ZFP82: variants seen among roughly 807,000 people sequenced by gnomAD.
ZFP82 encodes ZFP82 zinc finger protein, also known as zinc finger protein 82 homolog.
In ZFP82, 30 loss-of-function variants were observed where a neutral mutation model predicts 54.0. The ratio of observed to expected loss-of-function variants is 0.56; its 90% CI spans 0.42 to 0.75. The LOEUF (loss-of-function observed/expected upper bound fraction) is 0.75, where lower values mean the gene tolerates loss of function less well. Ranked by LOEUF, ZFP82 falls within the 30% of genes least tolerant of loss-of-function variation. The probability of loss-of-function intolerance (pLI) is 0.00; values close to 1 mark genes in which losing one functional copy is unlikely to be tolerated. For synonymous variants in ZFP82, 194 were observed against 209.5 expected (o/e 0.93, Z 0.64); for missense variants, 500 against 636.8 (o/e 0.79, Z 2.31).
chr19:36,387,985 T>C (rs1206410758), downstream of ZFP82, among the ~76,000 whole-genome samples: 1 of 152,246 alleles, frequency 6.6e-6, no homozygotes, highest in Non-Finnish European at 1.5e-5. Flanking sequence ...TTCCTATTTT[T>C]ATATGTATTG....
rs765045185 is a variant in ZFP82 at position 36,392,851 on chromosome 19, G to T, written c.1489C>A (p.Leu497Met). ...GGTTTCTCACCAGAATGAATTCTCA[G>T]ATGTTGAATAAGGGATGAATTAAGT... is the stretch of plus-strand genomic sequence containing the variant. The part of the protein sequence containing the change: ...FRLNSSLIQH[L>M]RIHSGEKPYE... Residue 497 changes from leucine (L) to methionine (M), a missense_variant, in exon 5 of 5, where the codon CTG becomes ATG. Coordinates refer to ENST00000392161, the MANE Select transcript of ZFP82 (RefSeq NM_133466.4). 1.9e-6 allele frequency: 3 copies of T among 1,613,868 alleles called. No homozygotes were observed. The South Asian group carries it at 3.3e-5, about 18-fold the overall frequency.
At chr19:36,410,240 A>G (rs2032554658) in intron 1 of ZFP82, among the ~76,000 whole-genome samples, 1 of 152,160 alleles carries the variant, frequency 6.6e-6, no homozygotes, top group South Asian at 2.1e-4. Context: ...ACAACTTTCA[A>G]AATCCTCTGG....
intron 3 of ZFP82, among the ~76,000 whole-genome samples, chr19:36,406,992 A>C (rs1397656164): frequency 6.6e-6 from 1 of 152,168 alleles, no homozygotes; most frequent in Non-Finnish European, 1.5e-5. Context: ...TGGAATATAC[A>C]ATATACAATA....
At chr19:36,394,710 G>C (rs1386777441) in intron 4 of ZFP82, 1 of 152,160 alleles carries the variant, frequency 6.6e-6, no homozygotes, top group Non-Finnish European at 1.5e-5. Flanking sequence ...TCCTGATTGG[G>C]CTCTTTGCAT....
Position 36,389,680 on chromosome 19 carries a change from T to G in ZFP82, c.*3061A>C, listed in dbSNP as rs145865636. 5.1e-3 allele frequency among the ~76,000 whole-genome samples: 773 copies of G among 152,364 alleles called. 12 individuals carry two copies. Among genetic ancestry groups the G allele is most frequent in the African/African-American group, 0.018 (737 of 41,594 alleles). On this transcript the variant is annotated 3_prime_UTR_variant, in exon 5 of 5. Transcript: ENST00000392161. ...AATCCATGTTTACATTTGTACAATA[T>G]GTAGAGACATTTTATTCCTTCAAAT... is the stretch of plus-strand genomic sequence containing the variant.
At chr19:36,413,409 T>C (rs996819624) in intron 1 of ZFP82, among the ~76,000 whole-genome samples, 1 of 150,880 alleles carries the variant, frequency 6.6e-6, no homozygotes, top group African/African-American at 2.4e-5. Context: ...AGATTCTGTC[T>C]CAAAAAAAAA....
downstream of ZFP82, among the ~76,000 whole-genome samples, chr19:36,386,753 A>G (rs2032119957): frequency 6.6e-6 from 1 of 152,212 alleles, no homozygotes; most frequent in Non-Finnish European, 1.5e-5. Context: ...CCTGGCCAAC[A>G]TGGTGAAACC....
rs564008864 is a variant in ZFP82, at chr19:36,389,947, C to T, written c.*2794G>A. On this transcript the variant is annotated 3_prime_UTR_variant, in exon 5 of 5. Coordinates refer to ENST00000392161, the MANE Select transcript of ZFP82 (RefSeq NM_133466.4). ...TGCCCTAACTAGACAATTACGAATC[C>T]CCCCTAGATCCCAGAGACCAACAAA... Among the ~76,000 whole-genome samples, 6 of 152,232 alleles carry T rather than the reference C, an allele frequency of 3.9e-5. No homozygotes were observed. Among genetic ancestry groups the T allele is most frequent in the African/African-American group, 1.4e-4 (6 of 41,546 alleles).
At chr19:36,410,004 T>G (rs2032550587) in intron 1 of ZFP82, 137 bp from the exon 2 acceptor site, 35 of 505,224 alleles carry the variant, frequency 6.9e-5, no homozygotes, top group Middle Eastern at 5.6e-4. Flanking sequence ...CACACACACA[T>G]AGGCAGAGAG....
intron 1 of ZFP82, among the ~76,000 whole-genome samples, chr19:36,414,682 T>C (rs2032638927): frequency 6.6e-6 from 1 of 151,960 alleles, no homozygotes; most frequent in Non-Finnish European, 1.5e-5. Context: ...TTCTTAATAA[T>C]GTTATCAAAA....
intron 3 of ZFP82, 38 bp from the exon 4 acceptor site, chr19:36,405,710 A>C (rs1367007700): frequency 6.8e-7 from 1 of 1,470,096 alleles, no homozygotes; most frequent in Non-Finnish European, 9.3e-7. Context: ...ACATGAAAAT[A>C]AAAAATAAAT....
rs938710062 is a variant in ZFP82, at chr19:36,391,917, A to G, written c.*824T>C. On this transcript the variant is annotated 3_prime_UTR_variant, in exon 5 of 5. Coordinates refer to ENST00000392161, the MANE Select transcript of ZFP82 (RefSeq NM_133466.4). ...ATGCCCACAGCCTTTAGTATGAATT[A>G]TGTAAAAATAAATATTTAGTATGAT... 1 of 152,246 alleles carries G rather than the reference A, an allele frequency of 6.6e-6. No homozygotes were observed. The highest frequency in any genetic ancestry group is 6.5e-5 in the Admixed American group (1 of 15,280). 9.4% of individuals were successfully genotyped at this position (152,246 alleles called of 1,614,324 possible). A position where few individuals can be genotyped will look rare whatever the true frequency, so the allele number is the denominator to read the frequency against.
At chr19:36,396,611 G>A (rs537262629) in intron 4 of ZFP82, among the ~76,000 whole-genome samples, 64 of 151,978 alleles carry the variant, frequency 4.2e-4, no homozygotes, top group Non-Finnish European at 7.4e-4. Flanking sequence ...AGCCGAGATC[G>A]CGCCACTGCA....
At chr19:36,414,142 C>T (rs111513382) in intron 1 of ZFP82, among the ~76,000 whole-genome samples, 2,851 of 151,148 alleles carry the variant, frequency 0.019, 97 homozygotes, top group African/African-American at 0.066. Flanking sequence ...CCTCGTGATC[C>T]GCCCGCCTTG....
chr19:36,384,263 T>G (rs1198135672), downstream of ZFP82: 1 of 152,196 alleles, frequency 6.6e-6, no homozygotes, highest in Non-Finnish European at 1.5e-5. Flanking sequence ...ATAATGTATA[T>G]ATAAAAGATA....
At position 36,407,999 on chromosome 19, in the gene ZFP82, G is replaced by T; in HGVS notation, c.24C>A (p.Phe8Leu). 6.2e-7 allele frequency: 1 copy of T among 1,613,634 alleles called. No individual in the cohort carries two copies. Among genetic ancestry groups the T allele is most frequent in the South Asian group, 1.1e-5 (1 of 91,014 alleles). ...GAGAGAAGTCTATGGATACATCACT[G>T]AACATCACTGATCGCTGAAATGACA... is the stretch of plus-strand genomic sequence containing the variant. MALRSVM[F>L]SDVSIDFSPE... is the part of the protein sequence containing the mutation. Residue 8 changes from phenylalanine to leucine, a missense_variant, in exon 3 of 5, where the codon TTC becomes TTA. By Grantham distance (22) the Phe-to-Leu change is conservative. Transcript: ENST00000392161.
intron 1 of ZFP82, among the ~76,000 whole-genome samples, chr19:36,412,372 G>C (rs945852209): frequency 6.6e-6 from 1 of 152,062 alleles, no homozygotes; most frequent in African/African-American, 2.4e-5. Context: ...TCTTTAAATA[G>C]GTTAAAGAGA....
At chr19:36,404,587 G>A (rs1235680968) in intron 4 of ZFP82, among the ~76,000 whole-genome samples, 1 of 152,204 alleles carries the variant, frequency 6.6e-6, no homozygotes, top group Non-Finnish European at 1.5e-5. Context: ...GCATTTAAAT[G>A]TTAAATCTCT....
chr19:36,414,280 G>A (rs1568492524), intron 1 of ZFP82, among the ~76,000 whole-genome samples: 2 of 151,764 alleles, frequency 1.3e-5, no homozygotes, highest in East Asian at 3.9e-4. Context: ...TTCTCTAAAG[G>A]GATTTTTGAG....
Sources: gnomAD v4.1 joint callset for allele counts (sites outside exome capture counted in the v4.1 genomes callset) on GRCh38, gnomAD v4.1.1 for gene constraint, MANE v1.5 for transcripts, NCBI Gene and HGNC (gene_info 2026-07-23, HGNC 2026-07-21) for gene names.